Variants in LRGUK observed in about 807,000 individuals in gnomAD.
The protein encoded by LRGUK is leucine rich repeats and guanylate kinase domain containing, also known as leucine-rich repeat and guanylate kinase domain-containing protein.
A neutral mutation model predicts 76.0 loss-of-function variants in LRGUK; 65 were observed. The ratio of observed to expected loss-of-function variants is 0.85; its 90% confidence interval spans 0.70 to 1.05. LRGUK has a LOEUF of 1.05. Ranked by LOEUF, LRGUK falls within the 50% of genes least tolerant of loss-of-function variation. The pLI, the probability that LRGUK is intolerant of heterozygous loss-of-function variation, is 0.00. For missense variants in LRGUK, 758 were observed against 732.8 expected, an observed-to-expected ratio of 1.03 and a Z score of -0.40; for synonymous variants, 268 against 265.6, an observed-to-expected ratio of 1.01 and a Z score of -0.09.
At chr7:134,143,750 T>G (rs1303395827) in intron 4 of LRGUK, among the ~76,000 whole-genome samples, 9 of 152,228 alleles carry the variant, frequency 5.9e-5, no homozygotes. Context: ...ATAAACTACC[T>G]GTGGACAGTG....
At chr7:134,229,328 G>A (rs1005301948) in intron 16 of LRGUK, among the ~76,000 whole-genome samples, 32 of 151,194 alleles carry the variant, frequency 2.1e-4, no homozygotes, top group Admixed American at 9.2e-4. Flanking sequence ...GCGCCACTGC[G>A]CTCCAGCCTG....
At chr7:134,147,473 A>G (rs1264246099) in intron 4 of LRGUK, among the ~76,000 whole-genome samples, 3 of 151,796 alleles carry the variant, frequency 2.0e-5, no homozygotes, top group Admixed American at 6.6e-5. Context: ...AGAGAGTAGC[A>G]TGGGACAATA....
chr7:134,148,653 C>T lies in LRGUK; in HGVS notation c.670+334C>T, dbSNP rs1248407120. Among the ~76,000 whole-genome samples the T allele has an allele frequency of 4.6e-5, 7 of 152,086 alleles. No homozygotes were observed. In the East Asian group the frequency reaches 9.6e-4, roughly 21 times the overall value. On this transcript the variant is annotated intron_variant, in intron 5 of 15. Coordinates refer to ENST00000645682, the Ensembl canonical transcript of LRGUK. ...AATTAACTCCTTTCTCAGTCGGGTGCGTTGGCTCACACCTGTAATCCTAGC... is the reference window on the plus strand; with the variant it reads ...AATTAACTCCTTTCTCAGTCGGGTGTGTTGGCTCACACCTGTAATCCTAGC...
chr7:134,215,313 G>T (rs1801408057), intron 15 of LRGUK, among the ~76,000 whole-genome samples: 1 of 151,518 alleles, frequency 6.6e-6, no homozygotes. Flanking sequence ...AATTCTGGTT[G>T]TGGCCTCCTA....
At position 134,178,926 on chromosome 7, in the gene LRGUK, C is replaced by CA. The variant is rs950815389; in HGVS notation, c.1214+339dup. 8.2e-3 allele frequency among the ~76,000 whole-genome samples: 357 copies of CA among 43,570 alleles called. 8 individuals are homozygous for CA. Among genetic ancestry groups the CA allele is most frequent in the African/African-American group, 0.028 (334 of 11,760 alleles). 28.6% of individuals were successfully genotyped at this position (43,570 alleles called of 152,430 possible). A position where few individuals can be genotyped will look rare whatever the true frequency, so the allele number is the denominator to read the frequency against. On this transcript the variant is annotated intron_variant, in intron 10 of 15. Coordinates refer to ENST00000645682, the Ensembl canonical transcript of LRGUK. The stretch of plus-strand genomic sequence containing the variant: ...CGTGTGCCACACAACAGTGAAATCT[C>CA]AAAAAAAAAAAAAAAAAAAAAACCA...
rs1445764299 is a variant in LRGUK, at chr7:134,199,128, C to T, written c.1546-92C>T. The T allele has an allele frequency of 3.3e-6, 3 of 899,816 alleles. No individual in the cohort carries two copies. The African/African-American group carries it at 5.1e-5, about 15-fold the overall frequency. The allele number at this position is 899,816 out of a possible 1,614,324, so 55.7% of individuals were successfully genotyped here. A position where few individuals can be genotyped will look rare whatever the true frequency, so the allele number is the denominator to read the frequency against. On this transcript the variant is annotated intron_variant, in intron 13 of 15. Transcript: ENST00000645682. ...TAAATTCTTCAATATATTAATAATA[C>T]TACTTCTTATACCCATGTTGTCAGA...
At chr7:134,145,651 T>C (rs927638246) in intron 4 of LRGUK, among the ~76,000 whole-genome samples, 5 of 152,210 alleles carry the variant, frequency 3.3e-5, no homozygotes, top group Non-Finnish European at 1.5e-5. Context: ...TAACTTCACC[T>C]TTGCTGGGAG....
the LRGUK span, among the ~76,000 whole-genome samples, chr7:134,274,281 C>A: frequency 6.6e-6 from 1 of 152,030 alleles, no homozygotes; most frequent in Non-Finnish European, 1.5e-5. Flanking sequence ...GCTTTTTGAC[C>A]CAACAGTGAT....
At chr7:134,211,700 T>A (rs930473503), downstream of LRGUK, among the ~76,000 whole-genome samples, 3 of 152,210 alleles carry the variant, frequency 2.0e-5, no homozygotes, top group Admixed American at 6.5e-5. Flanking sequence ...TCTGGTTGAA[T>A]CAATTAAAAG....
intron 16 of LRGUK, among the ~76,000 whole-genome samples, chr7:134,224,139 A>G (rs1801674014): frequency 6.6e-6 from 1 of 152,126 alleles, no homozygotes; most frequent in African/African-American, 2.4e-5. Context: ...TGCTTCTTGG[A>G]CTTTCAAATA....
chr7:134,214,599 A>G (rs1291674067), downstream of LRGUK, among the ~76,000 whole-genome samples: 3 of 152,202 alleles, frequency 2.0e-5, no homozygotes, highest in Non-Finnish European at 2.9e-5. Flanking sequence ...GAAACTATTT[A>G]TTGCGTAGTA....
chr7:134,183,483 A>G (rs931216763), intron 10 of LRGUK, among the ~76,000 whole-genome samples: 2 of 152,236 alleles, frequency 1.3e-5, no homozygotes, highest in Admixed American at 1.3e-4. Context: ...AATAAATGTT[A>G]TATTTTTCCT....
In LRGUK at chr7:134,249,078, T is replaced by C. The variant is rs1317655556; in HGVS notation, c.2198+2T>C. The C allele has an allele frequency of 6.4e-7, 1 of 1,564,474 alleles. No homozygotes were observed. Among genetic ancestry groups the C allele is most frequent in the South Asian group, 1.2e-5 (1 of 82,482 alleles). Reference sequence around the variant, plus strand: ...ATTTGGACCATATCCTGAAAAGAGGTGAGTTGAGGTGTTTTGTTGGATGGA... The same window carrying C: ...ATTTGGACCATATCCTGAAAAGAGGCGAGTTGAGGTGTTTTGTTGGATGGA... On this transcript the variant is annotated splice_donor_variant, in intron 18 of 19. Coordinates refer to the LRGUK transcript ENST00000285928. LOFTEE classifies it high-confidence loss of function.
intron 18 of LRGUK, among the ~76,000 whole-genome samples, chr7:134,249,915 G>A (rs1342682639): frequency 1.3e-5 from 2 of 152,150 alleles, no homozygotes; most frequent in Non-Finnish European, 2.9e-5. Context: ...CATCTACTAC[G>A]GGGTGCCTCT....
chr7:134,221,831 T>G, exon 16 of LRGUK: 1 of 1,602,804 alleles, frequency 6.2e-7, no homozygotes. Context: ...AGTATATTTC[T>G]TCGAATATGG....
chr7:134,211,267 T>A (rs1585563007), downstream of LRGUK, among the ~76,000 whole-genome samples: 1 of 152,342 alleles, frequency 6.6e-6, no homozygotes, highest in South Asian at 2.1e-4. Context: ...AAGGCTGGTG[T>A]CAGCAAGTAG....
chr7:134,232,500 G>A (rs934997597), intron 16 of LRGUK, among the ~76,000 whole-genome samples: 4 of 152,132 alleles, frequency 2.6e-5, no homozygotes, highest in Admixed American at 6.5e-5. Context: ...GGCTGGCCTC[G>A]AACTCCTGAC....
At chr7:134,246,752 A>G (rs556649755) in intron 16 of LRGUK, among the ~76,000 whole-genome samples, 1 of 152,376 alleles carries the variant, frequency 6.6e-6, no homozygotes, top group South Asian at 2.1e-4. Flanking sequence ...TGCTGTTTAA[A>G]TAAATACCAT....
intron 19 of LRGUK, among the ~76,000 whole-genome samples, chr7:134,261,071 C>A (rs1802712759): frequency 6.6e-6 from 1 of 152,124 alleles, no homozygotes; most frequent in African/African-American, 2.4e-5. Flanking sequence ...TGACTGGTTC[C>A]AGAGTTCCTA....
Sources: allele counts gnomAD v4.1 joint callset (sites outside exome capture counted in the v4.1 genomes callset), GRCh38; gene constraint gnomAD v4.1.1; transcripts MANE v1.5; gene names NCBI Gene and HGNC (gene_info 2026-07-23, HGNC 2026-07-21).